The following ATP9A variants were observed in gnomAD, a reference collection of about 807,000 sequenced individuals.
ATP9A encodes the protein probable phospholipid-transporting ATPase IIA.
In ATP9A, 52 loss-of-function variants were observed where a neutral mutation model predicts 144.1. The ratio of observed to expected loss-of-function variants is 0.36; its 90% CI spans 0.29 to 0.45. ATP9A has a LOEUF of 0.45. Among genes scored for constraint, ATP9A ranks in the 20% least tolerant of loss-of-function variants. The probability of loss-of-function intolerance (pLI) is 1.00; values close to 1 mark genes in which losing one functional copy is unlikely to be tolerated. For missense variants in ATP9A, 947 were observed against 1,392.7 expected (o/e 0.68, Z 5.09); for synonymous variants, 582 against 557.4 (o/e 1.04, Z -0.62).
chr20:51,707,572 A>C (rs963021397), intron 4 of ATP9A, among the ~76,000 whole-genome samples: 1 of 152,142 alleles, frequency 6.6e-6, no homozygotes, highest in African/African-American at 2.4e-5. Context: ...AACTTAAAGG[A>C]TCTACCCAGG....
At position 51,748,281 on chromosome 20, in the gene ATP9A, T is replaced by C. The variant is rs2077816682; in HGVS notation, c.69-18303A>G. On this transcript the variant is annotated intron_variant, in intron 1 of 27. Transcript: ENST00000338821. ...GTTACATAGTGAGATCCCATCTCTA[T>C]TTATTTTTTAAAAATGGAAGAAGAA... Among the ~76,000 whole-genome samples the C allele has an allele frequency of 2.6e-5, 4 of 152,200 alleles. No individual in the cohort carries two copies. The South Asian group carries it at 8.3e-4, about 32-fold the overall frequency.
intron 1 of ATP9A, among the ~76,000 whole-genome samples, chr20:51,745,083 G>A (rs183594344): frequency 6.6e-6 from 1 of 152,170 alleles, no homozygotes; most frequent in African/African-American, 2.4e-5. Context: ...AGACCATTCT[G>A]GCCAACATGG....
intron 1 of ATP9A, among the ~76,000 whole-genome samples, chr20:51,740,691 C>T (rs1323867054): frequency 6.7e-6 from 1 of 149,976 alleles, no homozygotes; most frequent in Non-Finnish European, 1.5e-5. Flanking sequence ...GCCTCAGCCT[C>T]CCACGTGGCT....
chr20:51,763,169 G>A lies in ATP9A; in HGVS notation c.68+5133C>T, dbSNP rs563421379. Among the ~76,000 whole-genome samples the A allele has an allele frequency of 6.2e-4, 95 of 152,270 alleles. 1 individual carries two copies. Among genetic ancestry groups the A allele is most frequent in the African/African-American group, 2.2e-3 (91 of 41,552 alleles). On this transcript the variant is annotated intron_variant, in intron 1 of 27. Transcript: ENST00000338821. ...GGAATCAGAAAGCGGATCACTGGTT[G>A]CCTGGGACTGGGGCAAGGGCAGGGA...
intron 1 of ATP9A, among the ~76,000 whole-genome samples, chr20:51,758,684 T>C (rs535838607): frequency 3.3e-5 from 5 of 152,248 alleles, no homozygotes; most frequent in African/African-American, 1.2e-4. Flanking sequence ...CCCAGCACTT[T>C]GGAAGGCCAA....
chr20:51,668,101 GCGGAAGGGCTGGGAGTGGGCGAGGGGCT>G (rs2077440891), intron 13 of ATP9A, among the ~76,000 whole-genome samples: 5 of 19,774 alleles, frequency 2.5e-4, no homozygotes, highest in South Asian at 4.2e-3. Context: ...GGGGGGGGGG[GCGGAAGGGCTGGGAGTGGGCGAGGGGCT>G]GGGGGAGGGG....
At position 51,712,112 on chromosome 20, in the gene ATP9A, G is replaced by T. The variant is rs1419110628; in HGVS notation, c.436+854C>A. On this transcript the variant is annotated intron_variant, in intron 4 of 27. Coordinates refer to ENST00000338821, the MANE Select transcript of ATP9A (RefSeq NM_006045.3). ...TTTTGAGATGGAGTCTCGCTCTGTC[G>T]CCCAGGCTGGAGTGCAGTGGCGCGG... Among the ~76,000 whole-genome samples the T allele has an allele frequency of 3.8e-5, 5 of 132,862 alleles. 1 individual carries two copies. In the East Asian group the frequency reaches 1.1e-3, roughly 29 times the overall value. The allele number at this position is 132,862 out of a possible 152,430, so 87.2% of individuals were successfully genotyped here.
Position 51,618,665 on chromosome 20 carries a change from C to T in ATP9A, c.2347G>A (p.Val783Ile). Residue 783 changes from valine (V) to isoleucine (I), a missense_variant, in exon 21 of 28, where the codon GTA (valine) becomes ATA (isoleucine). This residue lies in a region of ATP9A where 177 missense variants were observed against 344.9 expected (regional missense o/e 0.51). Coordinates refer to ENST00000338821, the MANE Select transcript of ATP9A (RefSeq NM_006045.3). ...QERTGKLTCA[V>I]GDGGNDVSMI... is the part of the protein sequence containing the mutation. ...GCACAGCCTGAGCCTCGCCTACCTA[C>T]TGCACAGGTGAGCTTGCCCGTGCGC... is the stretch of plus-strand genomic sequence containing the variant. The T allele has an allele frequency of 6.2e-7, 1 of 1,611,562 alleles. No homozygotes were observed. The highest frequency in any genetic ancestry group is 8.5e-7 in the Non-Finnish European group (1 of 1,179,832).
At position 51,766,077 on chromosome 20, in the gene ATP9A, TC is replaced by T. The variant is rs1387600681; in HGVS notation, c.68+2224del. Among the ~76,000 whole-genome samples the T allele has an allele frequency of 2.6e-5, 4 of 152,356 alleles. No individual in the cohort carries two copies. The East Asian group carries it at 7.7e-4, about 29-fold the overall frequency. On this transcript the variant is annotated intron_variant, in intron 1 of 27. Transcript: ENST00000338821. Reference sequence around the variant, plus strand: ...TTATCTGCACCACTCCCTCTGGCTCTCCATATGAACGGCTCATGTTTCTATC... The same window carrying T: ...TTATCTGCACCACTCCCTCTGGCTCTCATATGAACGGCTCATGTTTCTATC...
intron 1 of ATP9A, among the ~76,000 whole-genome samples, chr20:51,740,117 C>T (rs557503002): frequency 1.2e-4 from 18 of 152,198 alleles, no homozygotes; most frequent in Non-Finnish European, 2.4e-4. Flanking sequence ...AGTGCAGTGG[C>T]GAGATCATAG....
At chr20:51,728,513 A>T (rs1308125989) in intron 2 of ATP9A, among the ~76,000 whole-genome samples, 1 of 151,636 alleles carries the variant, frequency 6.6e-6, no homozygotes, top group East Asian at 1.9e-4. Context: ...CTGTGATCCT[A>T]GCTACTTGGG....
chr20:51,634,673 T>C (rs1251047839), intron 15 of ATP9A, among the ~76,000 whole-genome samples: 3 of 151,834 alleles, frequency 2.0e-5, no homozygotes, highest in Non-Finnish European at 4.4e-5. Context: ...CTGGCCAACA[T>C]GGAGAAACCC....
intron 14 of ATP9A, among the ~76,000 whole-genome samples, chr20:51,656,509 C>T (rs572413203): frequency 1.1e-3 from 173 of 152,090 alleles, no homozygotes; most frequent in African/African-American, 3.9e-3. Flanking sequence ...GCCGAGATCA[C>T]GCCACTGCAC....
At chr20:51,608,488 AG>A (rs780652278) in intron 25 of ATP9A, 29 bp downstream of exon 25, 23 of 1,385,170 alleles carry the variant, frequency 1.7e-5, no homozygotes. Flanking sequence ...GGAGGAAAGG[AG>A]GAAGGAGGGA....
In ATP9A at chr20:51,618,521, A is replaced by G. The variant is rs145841784; in HGVS notation, c.2350+141T>C. 3.5e-4 allele frequency: 424 copies of G among 1,213,008 alleles called. 4 individuals carry two copies. In the African/African-American group the frequency reaches 5.9e-3, roughly 17 times the overall value. The allele number at this position is 1,213,008 out of a possible 1,614,324, so 75.1% of individuals were successfully genotyped here. A position where few individuals can be genotyped will look rare whatever the true frequency, so the allele number is the denominator to read the frequency against. ...TAATAACAAAAAGAGCCAAAGTCTG[A>G]GAGGTGGAGAAAAATCATGACCTGA... is the stretch of plus-strand genomic sequence containing the variant. On this transcript the variant is annotated intron_variant, in intron 21 of 27. Coordinates refer to ENST00000338821, the MANE Select transcript of ATP9A (RefSeq NM_006045.3).
At position 51,670,054 on chromosome 20, in the gene ATP9A, G is replaced by C. The variant is rs369544386; in HGVS notation, c.1236C>G (p.Ala412=). 2 of 1,614,188 alleles carry C rather than the reference G, an allele frequency of 1.2e-6. No homozygotes were observed. Among genetic ancestry groups the C allele is most frequent in the Non-Finnish European group, 1.7e-6 (2 of 1,180,040 alleles). ...IFKRLHLGTV[A]YGLDSMDEVQ... is the part of the protein sequence containing the mutation. ...CTTCGTCCATTGAGTCGAGGCCGTA[G>C]GCTACTGTTCCGAGATGGAGCCGTT... The change falls in exon 13 of 28, where the codon GCC becomes GCG. Residue 412 remains alanine, a synonymous_variant. Coordinates refer to ENST00000338821, the MANE Select transcript of ATP9A (RefSeq NM_006045.3).
intron 1 of ATP9A, chr20:51,735,135 T>C (rs6091359): frequency 6.4e-6 from 1 of 156,332 alleles, no homozygotes. Flanking sequence ...CTGCATGGGG[T>C]TGGTATCTTC....
At chr20:51,697,538 C>T (rs1295632852) in intron 4 of ATP9A, 56 bp from the exon 5 acceptor site, 4 of 1,554,244 alleles carry the variant, frequency 2.6e-6, no homozygotes, top group South Asian at 1.1e-5. Flanking sequence ...CAATTCAACA[C>T]GTCTTTACAG....
intron 23 of ATP9A, among the ~76,000 whole-genome samples, chr20:51,612,709 G>C (rs974393920): frequency 2.0e-5 from 3 of 152,220 alleles, no homozygotes; most frequent in African/African-American, 7.2e-5. Context: ...ACAGGCATGA[G>C]CCACTGCGCC....
Sources: gnomAD v4.1 joint callset for allele counts (sites outside exome capture counted in the v4.1 genomes callset) on GRCh38, gnomAD v4.1.1 for gene constraint, gnomAD v4.1.1 regional missense constraint, MANE v1.5 for transcripts, NCBI Gene and HGNC (gene_info 2026-07-23, HGNC 2026-07-21) for gene names.